SLC6A12: variants seen among roughly 807,000 people sequenced by gnomAD.
SLC6A12 encodes the protein solute carrier family 6 member 12.
Under a neutral mutation model 73.3 loss-of-function variants are expected in SLC6A12, and 50 were observed. The observed-to-expected ratio is 0.68, with a 90% CI of 0.54 to 0.86. The LOEUF (loss-of-function observed/expected upper bound fraction) is 0.86. Ranked by LOEUF, SLC6A12 falls within the 40% of genes least tolerant of loss-of-function variation. The probability of loss-of-function intolerance (pLI) is 0.00; values close to 1 mark genes in which losing one functional copy is unlikely to be tolerated. For missense variants in SLC6A12, 648 were observed against 772.8 expected (o/e 0.84, Z 1.92); for synonymous variants, 304 against 309.2 (o/e 0.98, Z 0.18).
In SLC6A12 at chr12:198,151, T is replaced by C. The variant is rs540496735; in HGVS notation, c.847-148A>G. ...CTCCTGCATCCCAACTCTCCGTGAG[T>C]GCGCCCTCCGGTCTCCACGGTGATC... On this transcript the variant is annotated intron_variant, in intron 8 of 15. Transcript: ENST00000684302. This position sits in a 1 kb window ranked among gnomAD's most constrained non-coding sequence, Gnocchi z 4.0. 4.4e-5 allele frequency: 28 copies of C among 642,654 alleles called. No homozygotes were observed. In the South Asian group the frequency reaches 4.8e-4, roughly 11 times the overall value. The allele number at this position is 642,654 out of a possible 1,614,324, so 39.8% of individuals were successfully genotyped here.
intron 3 of SLC6A12, among the ~76,000 whole-genome samples, chr12:209,188 C>A (rs768051957): frequency 6.6e-6 from 1 of 152,136 alleles, no homozygotes; most frequent in Non-Finnish European, 1.5e-5. Flanking sequence ...CAGGATACAT[C>A]CACGACACTC....
rs745371261 is a variant in SLC6A12, at chr12:198,754, G to A, written c.846+43C>T. ...CTTTCAAAACTACAGACCTGGCTGG[G>A]TGGGGAAGGCACCTGGGGAAGTGGT... is the stretch of plus-strand genomic sequence containing the variant. On this transcript the variant is annotated intron_variant, in intron 8 of 15. Transcript: ENST00000684302. The surrounding 1 kb of genome is among the most constrained non-coding windows in gnomAD (Gnocchi z 4.0). 2 of 1,600,908 alleles carry A rather than the reference G, an allele frequency of 1.2e-6. No individual in the cohort carries two copies. The highest frequency in any genetic ancestry group is 2.2e-5 in the East Asian group (1 of 44,614).
downstream of SLC6A12, among the ~76,000 whole-genome samples, chr12:188,580 C>T (rs1195689769): frequency 6.6e-6 from 1 of 152,212 alleles, no homozygotes; most frequent in Non-Finnish European, 1.5e-5. Flanking sequence ...GCGCCGAGAG[C>T]GAGCGAGGGC....
At chr12:192,755 G>T in intron 14 of SLC6A12, 107 bp from the exon 15 acceptor site, 1 of 1,021,582 alleles carries the variant, frequency 9.8e-7, no homozygotes, top group Non-Finnish European at 1.5e-6. Flanking sequence ...ACTGCAGCAC[G>T]TCTGTAAGGT....
intron 5 of SLC6A12, among the ~76,000 whole-genome samples, 183 bp from the exon 6 acceptor site, chr12:202,032 G>T (rs1284093728): frequency 4.6e-5 from 7 of 152,168 alleles, no homozygotes; most frequent in Non-Finnish European, 1.0e-4. Flanking sequence ...CCCTGCTCTT[G>T]TTCCCTGTGA....
chr12:213,676 C>G lies in SLC6A12; in HGVS notation c.-143+246G>C, dbSNP rs994505108. 3.3e-5 allele frequency: 5 copies of G among 152,736 alleles called. No homozygotes were observed. Among genetic ancestry groups the G allele is most frequent in the African/African-American group, 1.2e-4 (5 of 41,476 alleles). 9.5% of individuals were successfully genotyped at this position (152,736 alleles called of 1,614,324 possible). ...GACCAGCTGCCCATCGCTGGACTTT[C>G]CTGCTCCACAGGCTAATCACTGAGC... On this transcript the variant is annotated intron_variant, in intron 1 of 15. Transcript: ENST00000684302. The surrounding 1 kb of genome is among the most constrained non-coding windows in gnomAD (Gnocchi z 5.3).
intron 7 of SLC6A12, 95 bp downstream of exon 7, chr12:200,556 A>C (rs1363973965): frequency 7.4e-7 from 1 of 1,343,858 alleles, no homozygotes; most frequent in African/African-American, 1.5e-5. Context: ...GTAGTTTCTT[A>C]ATAGAAAGAA....
chr12:203,059 C>CTTTTTTTTTTTTTTTTTTTTTTTT (rs10582500), intron 4 of SLC6A12, among the ~76,000 whole-genome samples, 179 bp from the exon 5 acceptor site: 2 of 68,340 alleles, frequency 2.9e-5, no homozygotes, highest in Non-Finnish European at 5.1e-5. Context: ...TTTTTCTTTT[C>CTTTTTTTTTTTTTTTTTTTTTTTT]TTTTTTTTTT....
downstream of SLC6A12, among the ~76,000 whole-genome samples, chr12:187,633 A>C (rs1939460084): frequency 6.8e-5 from 3 of 43,902 alleles, no homozygotes; most frequent in Admixed American, 2.3e-4. Flanking sequence ...AAAAAAAAAC[A>C]AACCACACAC....
rs1195586422 is a variant in SLC6A12 at position 214,081 on chromosome 12, A to T, written c.-302T>A. 6.6e-6 allele frequency: 1 copy of T among 152,534 alleles called. No homozygotes were observed. The highest frequency in any genetic ancestry group is 1.5e-5 in the Non-Finnish European group (1 of 68,302). 9.4% of individuals were successfully genotyped at this position (152,534 alleles called of 1,614,324 possible). A position where few individuals can be genotyped will look rare whatever the true frequency, so the allele number is the denominator to read the frequency against. On this transcript the variant is annotated 5_prime_UTR_variant, in exon 1 of 16. Coordinates refer to ENST00000684302, the MANE Select transcript of SLC6A12 (RefSeq NM_001122848.3). The surrounding 1 kb of genome is among the most constrained non-coding windows in gnomAD (Gnocchi z 4.2). ...CCTTACCCTGTTCCTCCCAGCGCAG[A>T]ATCCCATGTGACTTGTCCAGGGACT...
intron 15 of SLC6A12, among the ~76,000 whole-genome samples, chr12:192,158 G>GTGTC (rs1414233743): frequency 6.6e-6 from 1 of 152,192 alleles, no homozygotes; most frequent in Admixed American, 6.5e-5. Flanking sequence ...TAAACCTTCT[G>GTGTC]TGTCTGGGCA....
intron 13 of SLC6A12, 106 bp downstream of exon 13, chr12:195,119 G>A (rs1939800494): frequency 1.3e-6 from 1 of 741,280 alleles, no homozygotes; most frequent in Non-Finnish European, 2.4e-6. Flanking sequence ...AAGACACACA[G>A]AAACCAGGGG....
At chr12:209,282 C>T (rs578080833) in intron 3 of SLC6A12, among the ~76,000 whole-genome samples, 5 of 152,334 alleles carry the variant, frequency 3.3e-5, no homozygotes, top group South Asian at 4.1e-4. Context: ...CCCTGCGTCA[C>T]GTCTCACCCC....
rs1939891373 is a variant in SLC6A12, at chr12:196,835, G to A, written c.1123C>T (p.Pro375Ser). 5 of 1,613,976 alleles carry A rather than the reference G, an allele frequency of 3.1e-6. No homozygotes were observed. The highest frequency in any genetic ancestry group is 1.7e-5 in the Admixed American group (1 of 60,016). ...AGGCAGGACCACAGCTGGGATAAGG[G>A]CATCATAGTCACAGCCTTGGGGAAG... ...IAFPKAVTMM[P>S]LSQLWSCLFF... The change falls in exon 11 of 16, where the codon CCC (proline) becomes TCC (serine). Residue 375 changes from proline to serine, a missense_variant. Physicochemically the swap from Pro to Ser is moderately conservative, Grantham distance 74. Transcript: ENST00000684302.
At chr12:204,742 T>C in intron 3 of SLC6A12, 44 bp from the exon 4 acceptor site, 3 of 1,607,530 alleles carry the variant, frequency 1.9e-6, no homozygotes, top group Non-Finnish European at 2.5e-6. Context: ...CCCGGGCTCT[T>C]CCTCAGCCTC....
intron 7 of SLC6A12, 69 bp downstream of exon 7, chr12:200,582 G>A: frequency 6.6e-7 from 1 of 1,512,424 alleles, no homozygotes; most frequent in Non-Finnish European, 9.0e-7. Context: ...TTCTCCAGAG[G>A]GTCCCCCTCA....
chr12:189,644 C>G (rs1457716567), downstream of SLC6A12, among the ~76,000 whole-genome samples: 1 of 152,156 alleles, frequency 6.6e-6, no homozygotes, highest in African/African-American at 2.4e-5. Context: ...AAATTCCCTC[C>G]CCAGCCCCAG....
At chr12:195,498 C>CA (rs1224997665) in intron 12 of SLC6A12, among the ~76,000 whole-genome samples, 171 bp from the exon 13 acceptor site, 1 of 152,218 alleles carries the variant, frequency 6.6e-6, no homozygotes, top group Non-Finnish European at 1.5e-5. Flanking sequence ...TCAGGCCCCC[C>CA]AGTCAACATC....
In SLC6A12 at chr12:196,901, A is replaced by G. The variant is rs185335417; in HGVS notation, c.1076-19T>C. On this transcript the variant is annotated intron_variant, in intron 10 of 15. Transcript: ENST00000684302. ...CCAGGACCTGCCAGGTACACAGCAC[A>G]GTCAGGGAGGCTCCAGGGCGTGTGC... 2.5e-6 allele frequency: 4 copies of G among 1,584,246 alleles called. No individual in the cohort carries two copies. Among genetic ancestry groups the G allele is most frequent in the African/African-American group, 2.7e-5 (2 of 74,426 alleles).
Sources: gnomAD v4.1 joint callset for allele counts (sites outside exome capture counted in the v4.1 genomes callset) on GRCh38, gnomAD v4.1.1 for gene constraint, Gnocchi (gnomAD v3.1) non-coding constraint, MANE v1.5 for transcripts, NCBI Gene and HGNC (gene_info 2026-07-23, HGNC 2026-07-21) for gene names.